The following PHYKPL variants were observed in gnomAD, a reference collection of about 807,000 sequenced individuals.
PHYKPL encodes 5-phosphonooxy-L-lysine phospho-lyase.
A neutral mutation model predicts 51.3 loss-of-function variants in PHYKPL; 42 were observed. The ratio of observed to expected loss-of-function variants is 0.82; its 90% CI spans 0.64 to 1.06. The LOEUF is 1.06. PHYKPL is among the 50% of genes least tolerant of loss of function. The probability of loss-of-function intolerance (pLI) is 0.00; values close to 1 mark genes in which losing one functional copy is unlikely to be tolerated. For missense variants in PHYKPL, 655 were observed against 586.6 expected (o/e 1.12, Z -1.20); for synonymous variants, 264 against 236.0 (o/e 1.12, Z -1.09).
chr5:178,210,819 T>G, intron 12 of PHYKPL: 1 of 603,764 alleles, frequency 1.7e-6, no homozygotes, highest in Non-Finnish European at 3.0e-6. Context: ...GCGTGTGGTG[T>G]CTGAGAGGCC....
intron 6 of PHYKPL, 159 bp downstream of exon 6, chr5:178,224,289 C>CA (rs1197009834): frequency 6.2e-6 from 5 of 800,070 alleles, no homozygotes; most frequent in East Asian, 5.5e-5. Context: ...GCCGTGCACT[C>CA]AGACTCTCTG....
chr5:178,225,100 T>TA (rs1762027267), intron 4 of PHYKPL: 10 of 579,996 alleles, frequency 1.7e-5, no homozygotes, highest in Non-Finnish European at 3.1e-5. Flanking sequence ...TTTGAACATG[T>TA]ACAATGTTGT....
intron 3 of PHYKPL, among the ~76,000 whole-genome samples, chr5:178,227,881 G>A (rs1171962061): frequency 1.3e-5 from 2 of 152,230 alleles, no homozygotes; most frequent in Non-Finnish European, 2.9e-5. Flanking sequence ...CATGGAGATG[G>A]AGGAGGCAGG....
chr5:178,231,707 G>A, intron 1 of PHYKPL, 184 bp from the exon 2 acceptor site: 4 of 1,550,268 alleles, frequency 2.6e-6, no homozygotes, highest in Non-Finnish European at 3.5e-6. Flanking sequence ...AAAGCAGGAA[G>A]CAGATGGGGT....
At chr5:178,229,626 CT>C (rs1435271659) in intron 3 of PHYKPL, 2 of 234,366 alleles carry the variant, frequency 8.5e-6, no homozygotes, top group African/African-American at 4.5e-5. Flanking sequence ...TGATGTTTTC[CT>C]TCCTTACTGA....
chr5:178,220,614 C>T (rs1028346154), intron 8 of PHYKPL, among the ~76,000 whole-genome samples: 2 of 151,460 alleles, frequency 1.3e-5, no homozygotes, highest in East Asian at 3.9e-4. Flanking sequence ...AAACACATAC[C>T]ATATGGGCCA....
At position 178,231,496 on chromosome 5, in the gene PHYKPL, C is replaced by T. The variant is rs760471425; in HGVS notation, c.87G>A (p.Glu29=). ...ISSSCRLFFP[E]DPVKIVRAQG... ...GGGCCCGGACAATCTTAACAGGATCCTCGGGAAAAAAGAGTCTGCAGGAAG... is the reference window on the plus strand; with the variant it reads ...GGGCCCGGACAATCTTAACAGGATCTTCGGGAAAAAAGAGTCTGCAGGAAG... Residue 29 remains glutamate, a synonymous_variant, in exon 2 of 13, where the codon GAG becomes GAA. Transcript: ENST00000308158. 1.2e-6 allele frequency: 2 copies of T among 1,614,154 alleles called. No individual in the cohort carries two copies. The highest frequency in any genetic ancestry group is 8.5e-7 in the Non-Finnish European group (1 of 1,180,006).
At chr5:178,226,925 A>G (rs1216751996) in intron 3 of PHYKPL, among the ~76,000 whole-genome samples, 1 of 152,120 alleles carries the variant, frequency 6.6e-6, no homozygotes, top group Non-Finnish European at 1.5e-5. Context: ...GTATTTATAT[A>G]TATATGTGTG....
Position 178,215,348 on chromosome 5 carries a change from G to A in PHYKPL, c.1010C>T (p.Thr337Ile). 1 of 1,614,078 alleles carries A rather than the reference G, an allele frequency of 6.2e-7. No homozygotes were observed. Among genetic ancestry groups the A allele is most frequent in the East Asian group, 2.2e-5 (1 of 44,884 alleles). ...CTGCATCAGGAAGCTGCCTACACTG[G>A]TGGCATGATCCTGGAGCTGCTCCTT... ...LEKEQLQDHA[T>I]SVGSFLMQLL... Residue 337 changes from threonine to isoleucine, a missense_variant, in exon 9 of 13, where the codon ACC (threonine) becomes ATC (isoleucine). Coordinates refer to ENST00000308158, the MANE Select transcript of PHYKPL (RefSeq NM_153373.4).
chr5:178,222,984 C>T (rs374968698), intron 6 of PHYKPL, 50 bp from the exon 7 acceptor site: 56 of 1,583,718 alleles, frequency 3.5e-5, no homozygotes, highest in East Asian at 6.7e-5. Flanking sequence ...GTGCAGTGAC[C>T]GGCTTAGCGT....
chr5:178,223,974 G>A (rs1404282962), intron 6 of PHYKPL: 1 of 185,432 alleles, frequency 5.4e-6, no homozygotes, highest in Non-Finnish European at 1.1e-5. Flanking sequence ...CCCGGCCCCA[G>A]GTCTTAGCGC....
At chr5:178,211,091 C>T (rs193159828) in intron 12 of PHYKPL, 125 of 162,432 alleles carry the variant, frequency 7.7e-4, no homozygotes, top group Admixed American at 4.7e-3. Context: ...GTATTTTACA[C>T]GTGTCCTGAT....
At position 178,211,872 on chromosome 5, in the gene PHYKPL, GAAGC is replaced by G. The variant is rs1295838374; in HGVS notation, c.*31+14_*31+17del. On this transcript the variant is annotated intron_variant, in intron 12 of 12. Coordinates refer to ENST00000308158, the MANE Select transcript of PHYKPL (RefSeq NM_153373.4). ...ACCCGCTGTGCATCTTCAAGAGTAA[GAAGC>G]AAGGCCCACTCACCTGGAGTACACT... 1.9e-6 allele frequency: 3 copies of G among 1,589,498 alleles called. No homozygotes were observed. In the African/African-American group the frequency reaches 4.0e-5, roughly 21 times the overall value.
At chr5:178,223,038 C>A in intron 6 of PHYKPL, 104 bp from the exon 7 acceptor site, 1 of 1,040,188 alleles carries the variant, frequency 9.6e-7, no homozygotes, top group South Asian at 1.4e-5. Flanking sequence ...AAGTCACCAT[C>A]AGTGCTGCAC....
At chr5:178,230,357 G>C in intron 2 of PHYKPL, 1 of 442,264 alleles carries the variant, frequency 2.3e-6, no homozygotes, top group Non-Finnish European at 4.1e-6. Context: ...CTTTAAGGAG[G>C]ACTTTTTTTT....
intron 11 of PHYKPL, 102 bp from the exon 12 acceptor site, chr5:178,212,072 C>G: frequency 7.8e-7 from 1 of 1,278,492 alleles, no homozygotes; most frequent in African/African-American, 1.5e-5. Context: ...AGAGATTGGG[C>G]CCTCTGGCTA....
intron 3 of PHYKPL, among the ~76,000 whole-genome samples, chr5:178,227,644 A>G (rs1762556118): frequency 6.6e-6 from 1 of 152,220 alleles, no homozygotes; most frequent in African/African-American, 2.4e-5. Flanking sequence ...ACATGTGCAC[A>G]GGGCTGGGAA....
In PHYKPL at chr5:178,224,444, T is replaced by C. The variant is rs765432174; in HGVS notation, c.618+4A>G. ...CTGGATTGGACAGGCGCGGACACGG[T>C]TACCTTCCTGCCCTTCTCCTGTGCA... On this transcript the variant is annotated splice_donor_region_variant and intron_variant, in intron 6 of 12. Transcript: ENST00000308158. 1.3e-6 allele frequency: 2 copies of C among 1,569,028 alleles called. No individual in the cohort carries two copies. The highest frequency in any genetic ancestry group is 1.8e-5 in the Admixed American group (1 of 56,412).
chr5:178,226,013 C>T (rs935035069), intron 3 of PHYKPL: 7 of 152,784 alleles, frequency 4.6e-5, no homozygotes, highest in African/African-American at 1.7e-4. Context: ...AGCATTCCTC[C>T]CACCTCGGCC....
Sources: gnomAD v4.1 joint callset for allele counts (sites outside exome capture counted in the v4.1 genomes callset) on GRCh38, gnomAD v4.1.1 for gene constraint, MANE v1.5 for transcripts, NCBI Gene and HGNC (gene_info 2026-07-23, HGNC 2026-07-21) for gene names.